The following LMNTD1 variants were observed in gnomAD, a reference collection of about 807,000 sequenced individuals.
The protein encoded by LMNTD1 is lamin tail domain-containing protein 1.
LMNTD1 carries 35 observed loss-of-function variants against 50.9 expected under a neutral mutation model. The ratio of observed to expected loss-of-function variants is 0.69; its 90% CI spans 0.53 to 0.91. The LOEUF (loss-of-function observed/expected upper bound fraction) is 0.91, where lower values mean the gene tolerates loss of function less well. LMNTD1 is among the 40% of genes least tolerant of loss of function. The pLI, the probability that LMNTD1 is intolerant of heterozygous loss-of-function variation, is 0.00. For synonymous variants in LMNTD1, 153 were observed against 161.9 expected, an observed-to-expected ratio of 0.94 and a Z score of 0.42; for missense variants, 470 against 475.5, an observed-to-expected ratio of 0.99 and a Z score of 0.11.
chr12:25,526,796 G>A lies in LMNTD1; in HGVS notation c.651C>T (p.Ile217=), dbSNP rs372692618. ...TTACTGTGGAATTTGCCTGCATTAC[G>A]ATGTTTGGAAGGAATCGGTACAAAG... ...TISLYRFLPN[I]VMQANSTVTV... is the part of the protein sequence containing the mutation. The change falls in exon 5 of 10, where the codon ATC becomes ATT. Residue 217 remains isoleucine, a synonymous_variant. Coordinates refer to ENST00000458174, the MANE Select transcript of LMNTD1 (RefSeq NM_001145728.2). 78 of 1,610,488 alleles carry A rather than the reference G, an allele frequency of 4.8e-5. No individual in the cohort carries two copies. Among genetic ancestry groups the A allele is most frequent in the Non-Finnish European group, 6.3e-5 (74 of 1,178,244 alleles).
chr12:25,611,615 A>G (rs1946245314), intron 1 of LMNTD1, among the ~76,000 whole-genome samples: 1 of 152,266 alleles, frequency 6.6e-6, no homozygotes. Flanking sequence ...GAACAAAAAC[A>G]TAATGAGAAT....
intron 3 of LMNTD1, 79 bp downstream of exon 3, chr12:25,549,247 A>T: frequency 1.4e-6 from 1 of 729,602 alleles, no homozygotes; most frequent in Non-Finnish European, 2.2e-6. Flanking sequence ...CATCATTCTG[A>T]CTGAGAGTCA....
intron 1 of LMNTD1, among the ~76,000 whole-genome samples, chr12:25,570,760 C>T (rs748920524): frequency 6.6e-5 from 10 of 152,146 alleles, no homozygotes; most frequent in Non-Finnish European, 1.2e-4. Flanking sequence ...TTATAGGATA[C>T]TAAAAGAAAC....
At chr12:25,597,364 T>A (rs1024334627) in intron 1 of LMNTD1, among the ~76,000 whole-genome samples, 2 of 151,906 alleles carry the variant, frequency 1.3e-5, no homozygotes, top group Non-Finnish European at 2.9e-5. Context: ...TATATTTATA[T>A]CAGAAAAAAT....
chr12:25,526,005 C>T, intron 6 of LMNTD1, 94 bp downstream of exon 6: 2 of 978,810 alleles, frequency 2.0e-6, no homozygotes, highest in Non-Finnish European at 1.4e-6. Flanking sequence ...CACTTAGACA[C>T]ATTGTATAAA....
chr12:25,648,118 G>A (rs1260048112), intron 1 of LMNTD1, among the ~76,000 whole-genome samples: 1 of 152,126 alleles, frequency 6.6e-6, no homozygotes, highest in African/African-American at 2.4e-5. Context: ...ACATAGGCAA[G>A]CCAAAAGAAA....
chr12:25,510,986 C>T (rs1309861393), intron 8 of LMNTD1, among the ~76,000 whole-genome samples: 2 of 152,090 alleles, frequency 1.3e-5, no homozygotes, highest in Non-Finnish European at 2.9e-5. Context: ...GAGCAAAAAA[C>T]TCATTTGGTG....
intron 4 of LMNTD1, among the ~76,000 whole-genome samples, chr12:25,539,598 A>G (rs1942892717): frequency 6.6e-6 from 1 of 151,924 alleles, no homozygotes; most frequent in South Asian, 2.1e-4. Flanking sequence ...AATTTATAGC[A>G]CTAAATGCCC....
At chr12:25,586,212 GTTTGT>G (rs1439121339) in intron 1 of LMNTD1, 1 of 150,346 alleles carries the variant, frequency 6.7e-6, no homozygotes, top group African/African-American at 2.5e-5. Flanking sequence ...TTCCCCTTCC[GTTTGT>G]TTTATGTTGA....
At chr12:25,645,459 C>T (rs1947048588) in intron 1 of LMNTD1, among the ~76,000 whole-genome samples, 1 of 152,110 alleles carries the variant, frequency 6.6e-6, no homozygotes, top group Admixed American at 6.6e-5. Context: ...GGTTACGTTG[C>T]TCATACATTA....
intron 1 of LMNTD1, among the ~76,000 whole-genome samples, chr12:25,559,802 A>G (rs1444928721): frequency 1.3e-5 from 2 of 152,158 alleles, no homozygotes; most frequent in Admixed American, 1.3e-4. Context: ...GCCAGTGATG[A>G]TGAACATTTT....
intron 1 of LMNTD1, among the ~76,000 whole-genome samples, chr12:25,638,211 CA>C (rs1210637599): frequency 6.6e-6 from 1 of 151,944 alleles, no homozygotes; most frequent in Non-Finnish European, 1.5e-5. Flanking sequence ...AGAACATCTA[CA>C]AAAAAACTCA....
intron 1 of LMNTD1, among the ~76,000 whole-genome samples, chr12:25,635,382 T>C (rs1263028403): frequency 2.0e-5 from 3 of 152,100 alleles, no homozygotes; most frequent in African/African-American, 7.2e-5. Context: ...CAACCCCTTT[T>C]ACAAAAGCTG....
At chr12:25,559,864 A>C (rs1269456743) in intron 1 of LMNTD1, among the ~76,000 whole-genome samples, 1 of 152,150 alleles carries the variant, frequency 6.6e-6, no homozygotes, top group African/African-American at 2.4e-5. Flanking sequence ...GTGTCTGTTC[A>C]TATCCTTTGC....
chr12:25,505,566 A>G (rs2135956424), intron 8 of LMNTD1, among the ~76,000 whole-genome samples: 1 of 152,228 alleles, frequency 6.6e-6, no homozygotes, highest in South Asian at 2.1e-4. Context: ...AAATTTTCTG[A>G]AAGTAAGCAA....
intron 4 of LMNTD1, among the ~76,000 whole-genome samples, chr12:25,545,213 A>T (rs1943356885): frequency 6.6e-6 from 1 of 151,718 alleles, no homozygotes; most frequent in Non-Finnish European, 1.5e-5. Flanking sequence ...CATATTTGAA[A>T]GATAGCTTGG....
chr12:25,521,094 T>A (rs1025238035), intron 6 of LMNTD1, among the ~76,000 whole-genome samples: 3 of 152,144 alleles, frequency 2.0e-5, no homozygotes, highest in Non-Finnish European at 4.4e-5. Flanking sequence ...GAGTTCCTCA[T>A]AGATTTTGAG....
chr12:25,495,082 A>C (rs568521633), intron 9 of LMNTD1, among the ~76,000 whole-genome samples: 10 of 152,192 alleles, frequency 6.6e-5, no homozygotes, highest in Non-Finnish European at 1.3e-4. Context: ...AGGGCCAAGA[A>C]TAGCAAAAGT....
At chr12:25,545,155 G>A (rs964855812) in intron 4 of LMNTD1, among the ~76,000 whole-genome samples, 1 of 151,578 alleles carries the variant, frequency 6.6e-6, no homozygotes, top group African/African-American at 2.4e-5. Context: ...GATAGGTCTC[G>A]TGGTGGTGAA....
Sources: allele counts gnomAD v4.1 joint callset (sites outside exome capture counted in the v4.1 genomes callset), GRCh38; gene constraint gnomAD v4.1.1; transcripts MANE v1.5; gene names NCBI Gene and HGNC (gene_info 2026-07-23, HGNC 2026-07-21).